The following SUPT6H variants were observed in gnomAD, a reference collection of about 807,000 sequenced individuals.
The protein encoded by SUPT6H is transcription elongation factor SPT6.
A neutral mutation model predicts 222.3 loss-of-function variants in SUPT6H; 11 were observed. That is an observed-to-expected ratio of 0.05 (90% CI 0.03 to 0.08). The LOEUF (loss-of-function observed/expected upper bound fraction) is 0.08, where lower values mean the gene tolerates loss of function less well. SUPT6H is among the 10% of genes least tolerant of loss of function. SUPT6H has a pLI of 1.00. For missense variants in SUPT6H, 1,422 were observed against 2,216.0 expected, an observed-to-expected ratio of 0.64 and a Z score of 7.19; for synonymous variants, 762 against 801.2, an observed-to-expected ratio of 0.95 and a Z score of 0.83.
chr17:28,679,015 T>C (rs1271072874), intron 11 of SUPT6H, 52 bp downstream of exon 11: 1 of 1,611,100 alleles, frequency 6.2e-7, no homozygotes, highest in African/African-American at 1.3e-5. Context: ...ACCCCAAGGC[T>C]GGCCCTGCAG....
chr17:28,676,267 A>T lies in SUPT6H; in HGVS notation c.734A>T (p.Asp245Val). ...ELEEEYEYED[D>V]EAEGEIRVRP... is the part of the protein sequence containing the mutation. ...GAGGAAGAGTATGAGTATGAGGATGATGAGGCTGAGGGTGAAATCCGAGTG... is the reference window on the plus strand; with the variant it reads ...GAGGAAGAGTATGAGTATGAGGATGTTGAGGCTGAGGGTGAAATCCGAGTG... Residue 245 changes from aspartate (D) to valine (V), a missense_variant, in exon 7 of 37, where the codon GAT becomes GTT. Asp to Val is a radical substitution (Grantham distance 152). Transcript: ENST00000314616. 1 of 1,614,082 alleles carries T rather than the reference A, an allele frequency of 6.2e-7. No homozygotes were observed. Among genetic ancestry groups the T allele is most frequent in the South Asian group, 1.1e-5 (1 of 91,060 alleles).
chr17:28,697,419 A>G (rs1207195722), intron 30 of SUPT6H, among the ~76,000 whole-genome samples: 2 of 152,182 alleles, frequency 1.3e-5, no homozygotes, highest in Non-Finnish European at 2.9e-5. Context: ...CCCAAGCACT[A>G]GGGGAGAATC....
In SUPT6H at chr17:28,673,481, C is replaced by T; in HGVS notation, c.80C>T (p.Thr27Ile). The T allele has an allele frequency of 6.2e-7, 1 of 1,613,536 alleles. No individual in the cohort carries two copies. Among genetic ancestry groups the T allele is most frequent in the Admixed American group, 1.7e-5 (1 of 60,018 alleles). Residue 27 changes from threonine to isoleucine, a missense_variant, in exon 2 of 37, where the codon ACC becomes ATC. Thr to Ile is a moderately conservative substitution (Grantham distance 89). Coordinates refer to ENST00000314616, the MANE Select transcript of SUPT6H (RefSeq NM_003170.5). The part of the protein sequence containing the change: ...NDEGEVVPRV[T>I]KKFVEEEDDD... ...GAAGGCGAGGTGGTACCCCGAGTCACCAAGAAATTTGTGGAAGAGGAGGAT... is the reference window on the plus strand; with the variant it reads ...GAAGGCGAGGTGGTACCCCGAGTCATCAAGAAATTTGTGGAAGAGGAGGAT...
chr17:28,677,320 T>C (rs1597695612), intron 7 of SUPT6H, among the ~76,000 whole-genome samples: 1 of 150,400 alleles, frequency 6.6e-6, no homozygotes. Flanking sequence ...GAGGCGGAGG[T>C]TACAGTGAGC....
chr17:28,673,887 A>C (rs2030579240), intron 2 of SUPT6H, among the ~76,000 whole-genome samples: 1 of 152,254 alleles, frequency 6.6e-6, no homozygotes, highest in African/African-American at 2.4e-5. Context: ...TCAACAGAGT[A>C]GAACCACGAA....
chr17:28,669,623 G>T lies in SUPT6H; in HGVS notation c.-31-3748G>T, dbSNP rs150416398. ...GTTCGAAACCAGCCTGGCTAACATG[G>T]TGAAACTTTGTCTTAAAAAATAAAT... On this transcript the variant is annotated intron_variant, in intron 1 of 36. Coordinates refer to ENST00000314616, the MANE Select transcript of SUPT6H (RefSeq NM_003170.5). Among the ~76,000 whole-genome samples, 1,347 of 152,214 alleles carry T rather than the reference G, an allele frequency of 8.8e-3. 15 individuals carry two copies. The highest frequency in any genetic ancestry group is 0.031 in the African/African-American group (1,284 of 41,544).
intron 27 of SUPT6H, among the ~76,000 whole-genome samples, chr17:28,693,307 A>C (rs2031758417): frequency 6.6e-6 from 1 of 152,082 alleles, no homozygotes; most frequent in African/African-American, 2.4e-5. Flanking sequence ...CTAAAAATAC[A>C]AAAATCCGCC....
At chr17:28,664,803 C>T (rs56147019) in intron 1 of SUPT6H, among the ~76,000 whole-genome samples, 2,254 of 152,308 alleles carry the variant, frequency 0.015, 37 homozygotes, top group South Asian at 0.065. Context: ...AGTGGTGCTC[C>T]TATCCGCAGG....
At chr17:28,681,166 C>A in intron 11 of SUPT6H, 90 bp from the exon 12 acceptor site, 1 of 1,435,322 alleles carries the variant, frequency 7.0e-7, no homozygotes, top group Non-Finnish European at 9.6e-7. Context: ...AGTTGGGATA[C>A]TGCCTTTTGG....
At chr17:28,669,990 A>G (rs1310919016) in intron 1 of SUPT6H, 1 of 152,228 alleles carries the variant, frequency 6.6e-6, no homozygotes, top group Non-Finnish European at 1.5e-5. Context: ...ACAATGTTTT[A>G]ATGTCTGCTC....
Position 28,688,226 on chromosome 17 carries a change from C to G in SUPT6H, c.3134+8C>G. 6.2e-7 allele frequency: 1 copy of G among 1,612,164 alleles called. No homozygotes were observed. The highest frequency in any genetic ancestry group is 8.5e-7 in the Non-Finnish European group (1 of 1,179,118). On this transcript the variant is annotated splice_region_variant and intron_variant, in intron 24 of 36. Transcript: ENST00000314616. This position sits in a 1 kb window ranked among gnomAD's most constrained non-coding sequence, Gnocchi z 4.3. ...GGCCTCCCTGGGGGACAGGTGATGC[C>G]CTCTGCCTGGATGGGGCAGGAGGAA...
intron 26 of SUPT6H, 100 bp downstream of exon 26, chr17:28,690,329 T>C (rs2031582615): frequency 6.9e-7 from 1 of 1,446,692 alleles, no homozygotes; most frequent in African/African-American, 1.4e-5. Context: ...AGGTTTGTGT[T>C]GTACATGGGG....
In SUPT6H at chr17:28,697,662, C is replaced by A; in HGVS notation, c.4252C>A (p.Pro1418Thr). Reference sequence around the variant, plus strand: ...TGAGATTGTTGCTCGCTATGTCCAGCCCATGGCATCCTTTGCCCGGGACCT... The same window carrying A: ...TGAGATTGTTGCTCGCTATGTCCAGACCATGGCATCCTTTGCCCGGGACCT... ...LDEIVARYVQ[P>T]MASFARDLLN... Residue 1418 changes from proline (P) to threonine (T), a missense_variant, in exon 31 of 37, where the codon CCC becomes ACC. Pro to Thr is a conservative substitution (Grantham distance 38). Transcript: ENST00000314616. 1.2e-6 allele frequency: 2 copies of A among 1,614,222 alleles called. No individual in the cohort carries two copies. Among genetic ancestry groups the A allele is most frequent in the South Asian group, 2.2e-5 (2 of 91,084 alleles).
intron 3 of SUPT6H, 46 bp downstream of exon 3, chr17:28,674,487 C>A: frequency 6.2e-7 from 1 of 1,614,112 alleles, no homozygotes; most frequent in Non-Finnish European, 8.5e-7. Context: ...GTGGAGGTTG[C>A]AGTGGAAAAG....
At chr17:28,687,053 A>G in intron 21 of SUPT6H, 35 bp from the exon 22 acceptor site, 1 of 1,607,810 alleles carries the variant, frequency 6.2e-7, no homozygotes, top group Non-Finnish European at 8.5e-7. Flanking sequence ...AGCTAAGGGG[A>G]TTTTAAGGCC....
At position 28,688,128 on chromosome 17, in the gene SUPT6H, C is replaced by T; in HGVS notation, c.3044C>T (p.Thr1015Ile). The T allele has an allele frequency of 6.2e-7, 1 of 1,613,502 alleles. No individual in the cohort carries two copies. The highest frequency in any genetic ancestry group is 8.5e-7 in the Non-Finnish European group (1 of 1,179,688). ...KQNNTRLESR[T>I]QLVTMCHMGP... Reference sequence around the variant, plus strand: ...AACAACACCCGGCTCGAGAGCCGGACCCAGCTGGTCACCATGTGCCACATG... The same window carrying T: ...AACAACACCCGGCTCGAGAGCCGGATCCAGCTGGTCACCATGTGCCACATG... The change falls in exon 24 of 37, where the codon ACC (threonine) becomes ATC (isoleucine). Residue 1015 changes from threonine to isoleucine, a missense_variant. Physicochemically the swap from Thr to Ile is moderately conservative, Grantham distance 89. Around this residue, in one of 13 missense-constraint regions of SUPT6H, gnomAD observed 11 missense variants for 26.3 expected, o/e 0.42. Coordinates refer to ENST00000314616, the MANE Select transcript of SUPT6H (RefSeq NM_003170.5). The surrounding 1 kb of genome is among the most constrained non-coding windows in gnomAD (Gnocchi z 4.3).
intron 20 of SUPT6H, 93 bp from the exon 21 acceptor site, chr17:28,686,561 C>A: frequency 1.3e-6 from 2 of 1,539,516 alleles, no homozygotes; most frequent in African/African-American, 1.4e-5. Context: ...TTCTTCAAAG[C>A]CCTTTCCTCC....
intron 26 of SUPT6H, among the ~76,000 whole-genome samples, 184 bp downstream of exon 26, chr17:28,690,413 G>A (rs2031586226): frequency 6.6e-6 from 1 of 152,200 alleles, no homozygotes; most frequent in Admixed American, 6.5e-5. Flanking sequence ...GGTCAAATGT[G>A]CTTCCAGTGT....
At chr17:28,674,943 T>G in intron 4 of SUPT6H, 27 bp from the exon 5 acceptor site, 1 of 1,609,522 alleles carries the variant, frequency 6.2e-7, no homozygotes, top group Non-Finnish European at 8.5e-7. Flanking sequence ...CCTCAGATCC[T>G]GATAAGGCAG....
Sources: gnomAD v4.1 joint callset for allele counts (sites outside exome capture counted in the v4.1 genomes callset) on GRCh38, gnomAD v4.1.1 for gene constraint, gnomAD v4.1.1 regional missense constraint, Gnocchi (gnomAD v3.1) non-coding constraint, MANE v1.5 for transcripts, NCBI Gene and HGNC (gene_info 2026-07-23, HGNC 2026-07-21) for gene names.